TBC1D31: variants seen among roughly 807,000 people sequenced by gnomAD.
The protein encoded by TBC1D31 is WD repeat domain 67.
Under a neutral mutation model 132.9 loss-of-function variants are expected in TBC1D31, and 99 were observed. The observed-to-expected ratio is 0.74, with a 90% CI of 0.63 to 0.88. The LOEUF (loss-of-function observed/expected upper bound fraction) is 0.88, where lower values mean the gene tolerates loss of function less well. TBC1D31 is among the 40% of genes least tolerant of loss of function. The pLI is 0.00. For missense variants in TBC1D31, 1,134 were observed against 1,256.6 expected, an observed-to-expected ratio of 0.90 and a Z score of 1.48; for synonymous variants, 385 against 419.4, an observed-to-expected ratio of 0.92 and a Z score of 1.00.
the TBC1D31 span, among the ~76,000 whole-genome samples, chr8:123,162,304 C>CTGTG: frequency 9.0e-4 from 135 of 150,408 alleles, no homozygotes; most frequent in African/African-American, 3.1e-3. Context: ...GAAAGTGTAT[C>CTGTG]TGTGTGTGTG....
intron 17 of TBC1D31, among the ~76,000 whole-genome samples, chr8:123,135,852 G>A (rs1333112138): frequency 6.6e-6 from 1 of 152,150 alleles, no homozygotes; most frequent in Non-Finnish European, 1.5e-5. Context: ...TTTCTTTGGG[G>A]GTGGAGGATA....
At chr8:123,090,780 A>T (rs1816239372) in intron 4 of TBC1D31, among the ~76,000 whole-genome samples, 1 of 151,946 alleles carries the variant, frequency 6.6e-6, no homozygotes, top group African/African-American at 2.4e-5. Context: ...GTGAAACCCC[A>T]TCTCTACTAA....
At chr8:123,147,774 T>C (rs1206271169) in intron 20 of TBC1D31, among the ~76,000 whole-genome samples, 1 of 152,214 alleles carries the variant, frequency 6.6e-6, no homozygotes, top group Non-Finnish European at 1.5e-5. Flanking sequence ...TCAGGGTATA[T>C]AGATTTAATC....
In TBC1D31 at chr8:123,129,227, TATC is replaced by T; in HGVS notation, c.2270+11_2270+13del. On this transcript the variant is annotated intron_variant, in intron 15 of 21. Transcript: ENST00000287380. ...ATACAACAAAGACAGAGGTATGTGT[TATC>T]ACTTTAAAAAAAAATCTGGACATAT... The T allele has an allele frequency of 6.7e-7, 1 of 1,498,138 alleles. No individual in the cohort carries two copies. The allele number at this position is 1,498,138 out of a possible 1,614,324, so 92.8% of individuals were successfully genotyped here. A position where few individuals can be genotyped will look rare whatever the true frequency, so the allele number is the denominator to read the frequency against.
At chr8:123,155,874 G>A (rs1822973210), downstream of TBC1D31, among the ~76,000 whole-genome samples, 1 of 152,212 alleles carries the variant, frequency 6.6e-6, no homozygotes, top group Non-Finnish European at 1.5e-5. The surrounding 1 kb of genome is among the most constrained non-coding windows in gnomAD (Gnocchi z 4.1). Context: ...GCCTACCAGT[G>A]AAAGTCACAG....
intron 10 of TBC1D31, among the ~76,000 whole-genome samples, chr8:123,119,549 C>T (rs570757061): frequency 1.3e-5 from 2 of 152,090 alleles, no homozygotes; most frequent in East Asian, 1.9e-4. Flanking sequence ...TGTCTCTACC[C>T]GCAAGAAAGA....
chr8:123,076,034 T>C (rs1814477979), intron 1 of TBC1D31, among the ~76,000 whole-genome samples: 1 of 152,180 alleles, frequency 6.6e-6, no homozygotes, highest in Non-Finnish European at 1.5e-5. Context: ...AAATTAACCA[T>C]ATTGCTATTA....
chr8:123,130,785 C>T (rs1266986317), intron 16 of TBC1D31, among the ~76,000 whole-genome samples: 1 of 151,638 alleles, frequency 6.6e-6, no homozygotes, highest in Non-Finnish European at 1.5e-5. Flanking sequence ...CCACACCCAG[C>T]TAATTTTTGT....
intron 4 of TBC1D31, among the ~76,000 whole-genome samples, chr8:123,086,879 A>T (rs1379627270): frequency 6.6e-6 from 1 of 152,018 alleles, no homozygotes; most frequent in Non-Finnish European, 1.5e-5. Context: ...CATGACAGCC[A>T]ACTAATTTTT....
chr8:123,102,871 G>C (rs1207252834), intron 7 of TBC1D31: 1 of 152,280 alleles, frequency 6.6e-6, no homozygotes, highest in Non-Finnish European at 1.5e-5. Flanking sequence ...GTCCCCAAGC[G>C]TAGCGCTGAA....
At chr8:123,100,196 T>C (rs943536096) in intron 6 of TBC1D31, among the ~76,000 whole-genome samples, 1 of 152,128 alleles carries the variant, frequency 6.6e-6, no homozygotes, top group Admixed American at 6.5e-5. Context: ...CACCTTTCCA[T>C]AGTCTACCAT....
chr8:123,134,168 C>G lies in TBC1D31; in HGVS notation c.2461C>G (p.Gln821Glu), dbSNP rs1428527436. 6.2e-7 allele frequency: 1 copy of G among 1,613,904 alleles called. No individual in the cohort carries two copies. The highest frequency in any genetic ancestry group is 8.5e-7 in the Non-Finnish European group (1 of 1,179,894). The stretch of plus-strand genomic sequence containing the variant: ...CACAGCCAGAGACCTAGAAATGAGA[C>G]AGCTGGAACTCGAATCACAAAAGAG... ...AATARDLEMR[Q>E]LELESQKRLY... Residue 821 changes from glutamine to glutamate, a missense_variant, in exon 17 of 22, where the codon CAG (glutamine) becomes GAG (glutamate). By Grantham distance (29) the Gln-to-Glu change is conservative (BLOSUM62 2). Transcript: ENST00000287380.
At chr8:123,102,533 A>C (rs1202313441) in intron 7 of TBC1D31, 7 of 283,576 alleles carry the variant, frequency 2.5e-5, no homozygotes, top group Admixed American at 5.0e-5. Flanking sequence ...ATATGTTCCC[A>C]ATTTCTTTTC....
intron 7 of TBC1D31, chr8:123,101,235 C>G (rs1817387420): frequency 2.3e-6 from 1 of 443,406 alleles, no homozygotes; most frequent in African/African-American, 2.0e-5. Context: ...TTTGATGTCT[C>G]TCATTTAGGT....
At chr8:123,120,729 A>G (rs147780340) in intron 11 of TBC1D31, among the ~76,000 whole-genome samples, 2,106 of 152,182 alleles carry the variant, frequency 0.014, 40 homozygotes, top group African/African-American at 0.048. Context: ...ATAGTATTTC[A>G]TCTTATGAAT....
chr8:123,114,416 G>A (rs146995837), intron 10 of TBC1D31, among the ~76,000 whole-genome samples: 39 of 152,064 alleles, frequency 2.6e-4, no homozygotes, highest in Admixed American at 6.6e-4. Context: ...CCCCTCCCAG[G>A]TTCAGGTGAT....
At chr8:123,144,633 G>A in intron 19 of TBC1D31, 84 bp from the exon 20 acceptor site, 2 of 1,302,910 alleles carry the variant, frequency 1.5e-6, no homozygotes, top group Admixed American at 2.5e-5. Flanking sequence ...AGTGGATAGA[G>A]AAGACAGAAG....
chr8:123,099,156 G>A (rs1207035932), intron 6 of TBC1D31, among the ~76,000 whole-genome samples: 1 of 152,138 alleles, frequency 6.6e-6, no homozygotes, highest in Non-Finnish European at 1.5e-5. Flanking sequence ...GTCTCGCTCT[G>A]TCACCCAGGC....
the TBC1D31 span, among the ~76,000 whole-genome samples, chr8:123,163,496 C>T: frequency 3.3e-5 from 5 of 151,260 alleles, no homozygotes; most frequent in South Asian, 1.0e-3. Flanking sequence ...TCCCAAGTAG[C>T]TGGGACCACA....
Sources: gnomAD v4.1 joint callset for allele counts (sites outside exome capture counted in the v4.1 genomes callset) on GRCh38, gnomAD v4.1.1 for gene constraint, Gnocchi (gnomAD v3.1) non-coding constraint, MANE v1.5 for transcripts, NCBI Gene and HGNC (gene_info 2026-07-23, HGNC 2026-07-21) for gene names.